ASTN2: variants seen among roughly 807,000 people sequenced by gnomAD.
ASTN2 encodes astrotactin-2.
A neutral mutation model predicts 139.8 loss-of-function variants in ASTN2; 54 were observed. The observed-to-expected ratio is 0.39, with a 90% CI of 0.31 to 0.48. The LOEUF is 0.48. ASTN2 is among the 20% of genes least tolerant of loss of function. ASTN2 has a pLI of 0.95. For missense variants in ASTN2, 1,565 were observed against 1,725.1 expected, an observed-to-expected ratio of 0.91 and a Z score of 1.64; for synonymous variants, 756 against 719.5, an observed-to-expected ratio of 1.05 and a Z score of -0.81.
chr9:116,736,431 C>T (rs149376246), intron 13 of ASTN2, among the ~76,000 whole-genome samples: 79 of 152,278 alleles, frequency 5.2e-4, no homozygotes, highest in African/African-American at 1.9e-3. Context: ...TAGCACTCCT[C>T]ATCACTGCTT....
chr9:117,156,568 T>C (rs763052342), intron 3 of ASTN2, among the ~76,000 whole-genome samples: 4 of 152,028 alleles, frequency 2.6e-5, no homozygotes, highest in Non-Finnish European at 5.9e-5. Context: ...ATTCAGGTTG[T>C]GAACCAATGG....
In ASTN2 at chr9:117,414,476, C is replaced by A. The variant is rs1322058137; in HGVS notation, c.442+21G>T. 4 of 1,606,032 alleles carry A rather than the reference C, an allele frequency of 2.5e-6. No homozygotes were observed. Among genetic ancestry groups the A allele is most frequent in the South Asian group, 1.1e-5 (1 of 90,866 alleles). On this transcript the variant is annotated intron_variant, in intron 1 of 22. Transcript: ENST00000313400. The surrounding 1 kb of genome is among the most constrained non-coding windows in gnomAD (Gnocchi z 4.2). The stretch of plus-strand genomic sequence containing the variant: ...GCTCGGGGTTCCTTGGGATCTAGCG[C>A]GTGCCGGCGCCCAGCCTTACCCAGG...
chr9:117,295,895 AG>A, intron 1 of ASTN2, among the ~76,000 whole-genome samples: 1 of 152,036 alleles, frequency 6.6e-6, no homozygotes, highest in East Asian at 1.9e-4. Flanking sequence ...TCCCTCAGAG[AG>A]GAGGAGGAGA....
chr9:116,667,573 C>G (rs1353645101), intron 16 of ASTN2, among the ~76,000 whole-genome samples: 4 of 152,128 alleles, frequency 2.6e-5, no homozygotes, highest in Non-Finnish European at 1.5e-5. Context: ...CTTGTGTGTA[C>G]TTAAAATCTT....
intron 12 of ASTN2, among the ~76,000 whole-genome samples, chr9:116,810,636 C>T (rs1831139092): frequency 6.6e-6 from 1 of 152,134 alleles, no homozygotes; most frequent in African/African-American, 2.4e-5. Flanking sequence ...AGAACTTAAA[C>T]ATTCTAACAT....
chr9:116,787,407 T>C (rs1373025315), intron 13 of ASTN2, among the ~76,000 whole-genome samples: 1 of 152,242 alleles, frequency 6.6e-6, no homozygotes, highest in Non-Finnish European at 1.5e-5. Context: ...CTCAAGGACG[T>C]GGGAGCTATT....
chr9:116,525,703 C>T (rs879312054), intron 19 of ASTN2, among the ~76,000 whole-genome samples: 6 of 152,166 alleles, frequency 3.9e-5, no homozygotes, highest in Non-Finnish European at 5.9e-5. Context: ...TGAGAATTCC[C>T]AGTGTGCCTT....
rs1829693005 is a variant in ASTN2, at chr9:116,762,304, A to T, written c.2397-28781T>A. ...TCTGTGAGCTTGGAAAATCCCCTGC[A>T]TCTCTGTGCTTCAGTTTCCACATCT... On this transcript the variant is annotated intron_variant, in intron 13 of 22. Transcript: ENST00000313400. Among the ~76,000 whole-genome samples, 3 of 152,284 alleles carry T rather than the reference A, an allele frequency of 2.0e-5. No individual in the cohort carries two copies. In the South Asian group the frequency reaches 6.2e-4, roughly 32 times the overall value.
rs1564385591 is a variant in ASTN2 at position 117,016,597 on chromosome 9, TATATATCTATATCTATATCTATCTATC to T, written c.1424-8365_1424-8339del. On this transcript the variant is annotated intron_variant, in intron 6 of 22. Transcript: ENST00000313400. ...GATTTGGGGTATTCTAGGTTTTATATATATATCTATATCTATATCTATCTATCTATATATATATATATATATATATAT... is the reference window on the plus strand; with the variant it reads ...GATTTGGGGTATTCTAGGTTTTATATTATATATATATATATATATATATAT... Among the ~76,000 whole-genome samples, 19 of 13,586 alleles carry T rather than the reference TATATATCTATATCTATATCTATCTATC, an allele frequency of 1.4e-3. 1 individual carries two copies. The highest frequency in any genetic ancestry group is 6.5e-3 in the South Asian group (2 of 310). 8.9% of individuals were successfully genotyped at this position (13,586 alleles called of 152,430 possible). A position where few individuals can be genotyped will look rare whatever the true frequency, so the allele number is the denominator to read the frequency against.
At chr9:117,154,608 T>C (rs967360776) in intron 3 of ASTN2, among the ~76,000 whole-genome samples, 4 of 152,104 alleles carry the variant, frequency 2.6e-5, no homozygotes, top group Admixed American at 2.0e-4. Context: ...TCATTTTTAC[T>C]AGTAAACCCT....
In ASTN2 at chr9:116,814,739, T is replaced by C. The variant is rs559518077; in HGVS notation, c.2207+5878A>G. ...ACACTGGGAACCTGTAAGAGGCAGT[T>C]AGGAGTGCAGATTTTTCCACATGGG... On this transcript the variant is annotated intron_variant, in intron 12 of 22. Transcript: ENST00000313400. Among the ~76,000 whole-genome samples the C allele has an allele frequency of 9.2e-5, 14 of 152,282 alleles. No individual in the cohort carries two copies. The East Asian group carries it at 1.2e-3, about 13-fold the overall frequency.
rs1229296884 is a variant in ASTN2 at position 117,387,497 on chromosome 9, A to C, written c.442+27000T>G. On this transcript the variant is annotated intron_variant, in intron 1 of 22. Coordinates refer to ENST00000313400, the MANE Select transcript of ASTN2 (RefSeq NM_001365068.1). ...ACTTAGAATCTGAAAAATGAGCAGG[A>C]GTCAGTCAGGCAAAAAGGGGTAGAG... Among the ~76,000 whole-genome samples, 4 of 152,306 alleles carry C rather than the reference A, an allele frequency of 2.6e-5. No homozygotes were observed. In the East Asian group the frequency reaches 7.7e-4, roughly 30 times the overall value.
intron 16 of ASTN2, among the ~76,000 whole-genome samples, chr9:116,707,285 CAAAAAAAAAAAAAAA>C (rs766053427): frequency 1.6e-5 from 1 of 60,638 alleles, no homozygotes; most frequent in African/African-American, 6.4e-5. Context: ...GCCCCCTGAC[CAAAAAAAAAAAAAAA>C]AAAAAAAAAA....
intron 19 of ASTN2, among the ~76,000 whole-genome samples, chr9:116,491,086 A>G (rs1849505067): frequency 6.6e-6 from 1 of 152,242 alleles, no homozygotes; most frequent in South Asian, 2.1e-4. Context: ...GGTTTAATTC[A>G]AGTGAAGGAA....
At chr9:117,045,987 C>CGTATGTAT (rs1491484294) in intron 5 of ASTN2, among the ~76,000 whole-genome samples, 20 of 142,020 alleles carry the variant, frequency 1.4e-4, no homozygotes, top group African/African-American at 4.7e-4. Context: ...TATGTACGTA[C>CGTATGTAT]GTACGTATGT....
chr9:116,890,330 C>T (rs1339061815), intron 10 of ASTN2, among the ~76,000 whole-genome samples: 2 of 152,152 alleles, frequency 1.3e-5, no homozygotes, highest in Admixed American at 6.5e-5. Context: ...ACTGCACCTG[C>T]CACGCAGATG....
chr9:117,094,533 C>T (rs759180235), intron 5 of ASTN2, among the ~76,000 whole-genome samples: 35 of 152,204 alleles, frequency 2.3e-4, no homozygotes, highest in Non-Finnish European at 4.3e-4. Context: ...ATCTCCAATG[C>T]AGGTTCCCGG....
chr9:116,852,401 A>G (rs1052067417), intron 11 of ASTN2, among the ~76,000 whole-genome samples: 1 of 152,202 alleles, frequency 6.6e-6, no homozygotes, highest in Non-Finnish European at 1.5e-5. Flanking sequence ...ACTCTGAATT[A>G]TGGACAAGTC....
chr9:116,863,575 G>A lies in ASTN2; in HGVS notation c.2040+8C>T, dbSNP rs1832948398. ...CACTGCCATGTTCCCGGGCCAATGG[G>A]CACTTACCACACATCCCGAGGAATC... On this transcript the variant is annotated splice_region_variant and intron_variant, in intron 11 of 22. Coordinates refer to ENST00000313400, the MANE Select transcript of ASTN2 (RefSeq NM_001365068.1). The A allele has an allele frequency of 1.9e-6, 3 of 1,613,518 alleles. No homozygotes were observed. Among genetic ancestry groups the A allele is most frequent in the African/African-American group, 2.7e-5 (2 of 75,032 alleles).
Sources: allele counts gnomAD v4.1 joint callset (sites outside exome capture counted in the v4.1 genomes callset), GRCh38; gene constraint gnomAD v4.1.1; non-coding constraint Gnocchi (gnomAD v3.1); transcripts MANE v1.5; gene names NCBI Gene and HGNC (gene_info 2026-07-23, HGNC 2026-07-21).